Variants in CNRIP1 observed in about 807,000 individuals in gnomAD.
CNRIP1 encodes CB1 cannabinoid receptor-interacting protein 1.
A neutral mutation model predicts 15.2 loss-of-function variants in CNRIP1; 10 were observed. That is an observed-to-expected ratio of 0.66 (90% CI 0.41 to 1.12). The LOEUF (loss-of-function observed/expected upper bound fraction) is 1.12, where lower values mean the gene tolerates loss of function less well. Ranked by LOEUF, CNRIP1 falls within the 50% of genes most tolerant of loss-of-function variation. CNRIP1 has a pLI of 0.00. For synonymous variants in CNRIP1, 91 were observed against 83.2 expected, an observed-to-expected ratio of 1.09 and a Z score of -0.51; for missense variants, 211 against 214.7, an observed-to-expected ratio of 0.98 and a Z score of 0.11.
At chr2:68,292,493 C>A (rs558224449), downstream of CNRIP1, among the ~76,000 whole-genome samples, 3 of 152,230 alleles carry the variant, frequency 2.0e-5, no homozygotes, top group African/African-American at 4.8e-5. Context: ...ACAAACAATC[C>A]CCAACGAACT....
At chr2:68,310,154 C>A (rs369012022) in intron 2 of CNRIP1, among the ~76,000 whole-genome samples, 80 of 152,174 alleles carry the variant, frequency 5.3e-4, no homozygotes, top group African/African-American at 1.7e-3. Flanking sequence ...ATGGTGAAAC[C>A]CTGTCTCTAA....
chr2:68,298,055 C>A (rs1050310241), intron 2 of CNRIP1, among the ~76,000 whole-genome samples: 6 of 152,060 alleles, frequency 3.9e-5, no homozygotes, highest in Non-Finnish European at 7.4e-5. Context: ...ATACAGCCTG[C>A]AAGCCTAAGG....
Position 68,293,609 on chromosome 2 carries a change from A to G in CNRIP1, c.*253T>C. The G allele has an allele frequency of 8.7e-7, 1 of 1,150,068 alleles. No homozygotes were observed. Among genetic ancestry groups the G allele is most frequent in the Non-Finnish European group, 1.1e-6 (1 of 929,074 alleles). The allele number at this position is 1,150,068 out of a possible 1,614,324, so 71.2% of individuals were successfully genotyped here. A position where few individuals can be genotyped will look rare whatever the true frequency, so the allele number is the denominator to read the frequency against. On this transcript the variant is annotated 3_prime_UTR_variant, in exon 3 of 3. Transcript: ENST00000263655. ...TCACAAGTGGTCAAAAGTATGACCG[A>G]GAACAACTGGATGCAGGAACATCAG... is the stretch of plus-strand genomic sequence containing the variant.
chr2:68,289,663 T>C (rs895210731), downstream of CNRIP1, among the ~76,000 whole-genome samples: 2 of 152,150 alleles, frequency 1.3e-5, no homozygotes, highest in Non-Finnish European at 2.9e-5. Flanking sequence ...GTGTTTTTCA[T>C]AGAGACATGG....
At chr2:68,296,627 TTC>T (rs1290906310) in intron 2 of CNRIP1, among the ~76,000 whole-genome samples, 1 of 152,002 alleles carries the variant, frequency 6.6e-6, no homozygotes, top group African/African-American at 2.4e-5. Flanking sequence ...TTCTCCTATG[TTC>T]TTTTTTTAAT....
chr2:68,317,186 C>T lies in CNRIP1; in HGVS notation c.301G>A (p.Glu101Lys). Residue 101 changes from glutamate to lysine, a missense_variant, in exon 2 of 3, where the codon GAA becomes AAA. Glu to Lys is a moderately conservative substitution (Grantham distance 56, BLOSUM62 1). Coordinates refer to ENST00000263655, the MANE Select transcript of CNRIP1 (RefSeq NM_015463.3). ...ATGGTGATCTGGATGGGTTGCCGTT[C>T]TCCACTCTTCGTTGGGGTCACACCT... ...TEGVTPTKSGERQPIQITMPF... is the reference protein window; with the variant it reads ...TEGVTPTKSGKRQPIQITMPF... The T allele has an allele frequency of 3.1e-6, 5 of 1,614,220 alleles. No individual in the cohort carries two copies. In the African/African-American group the frequency reaches 6.7e-5, roughly 22 times the overall value.
chr2:68,296,291 C>T (rs1410595083), intron 2 of CNRIP1, among the ~76,000 whole-genome samples: 7 of 152,222 alleles, frequency 4.6e-5, no homozygotes, highest in African/African-American at 1.7e-4. Flanking sequence ...CAGCAGCTCA[C>T]ACCTGTAATT....
chr2:68,315,263 CAGTA>C (rs1672229227), intron 2 of CNRIP1, among the ~76,000 whole-genome samples: 1 of 151,938 alleles, frequency 6.6e-6, no homozygotes, highest in South Asian at 2.1e-4. Context: ...TTCAAATTAA[CAGTA>C]AGTAAAAATT....
chr2:68,309,625 A>G (rs1671999746), intron 2 of CNRIP1, among the ~76,000 whole-genome samples: 1 of 152,172 alleles, frequency 6.6e-6, no homozygotes, highest in South Asian at 2.1e-4. Context: ...ATCTTATCAC[A>G]TTACCAGAAA....
intron 2 of CNRIP1, among the ~76,000 whole-genome samples, chr2:68,306,737 C>A (rs1185183966): frequency 1.3e-5 from 2 of 150,474 alleles, no homozygotes; most frequent in Admixed American, 6.6e-5. Flanking sequence ...GCCGAGATTG[C>A]ACCATTGTAC....
rs61586261 is a variant in CNRIP1 at position 68,306,124 on chromosome 2, C to CAAAAAAAAAAAAAAAAAAAAAAA, written c.330+11010_330+11032dup. Among the ~76,000 whole-genome samples, 60 of 25,338 alleles carry CAAAAAAAAAAAAAAAAAAAAAAA rather than the reference C, an allele frequency of 2.4e-3. 11 individuals are homozygous for CAAAAAAAAAAAAAAAAAAAAAAA. Among genetic ancestry groups the CAAAAAAAAAAAAAAAAAAAAAAA allele is most frequent in the South Asian group, 2.9e-3 (1 of 340 alleles). The allele number at this position is 25,338 out of a possible 152,430, so 16.6% of individuals were successfully genotyped here. A position where few individuals can be genotyped will look rare whatever the true frequency, so the allele number is the denominator to read the frequency against. ...CTGGGCAGCAGAGACCCCACCTCTACAAAAAAAAAAAAAAAAAAAAAAAAA... is the reference window on the plus strand; with the variant it reads ...CTGGGCAGCAGAGACCCCACCTCTACAAAAAAAAAAAAAAAAAAAAAAAAAAAAAAAAAAAAAAAAAAAAAAAA... On this transcript the variant is annotated intron_variant, in intron 2 of 2. Coordinates refer to ENST00000263655, the MANE Select transcript of CNRIP1 (RefSeq NM_015463.3).
At position 68,319,743 on chromosome 2, in the gene CNRIP1, G is replaced by A. The variant is rs1261043546; in HGVS notation, c.-343C>T. 3.7e-6 allele frequency: 1 copy of A among 270,454 alleles called. No homozygotes were observed. The highest frequency in any genetic ancestry group is 7.1e-6 in the Non-Finnish European group (1 of 140,964). 16.8% of individuals were successfully genotyped at this position (270,454 alleles called of 1,614,324 possible). A position where few individuals can be genotyped will look rare whatever the true frequency, so the allele number is the denominator to read the frequency against. The stretch of plus-strand genomic sequence containing the variant: ...CCGCCGCGCAGATCCGCGCAGCTGG[G>A]GGCGAGGGAGTTAATCCTGTTTACG... On this transcript the variant is annotated 5_prime_UTR_variant, in exon 1 of 3. Coordinates refer to ENST00000263655, the MANE Select transcript of CNRIP1 (RefSeq NM_015463.3).
chr2:68,313,920 C>T (rs562635104), intron 2 of CNRIP1, among the ~76,000 whole-genome samples: 27 of 152,222 alleles, frequency 1.8e-4, no homozygotes, highest in African/African-American at 6.5e-4. Context: ...ACTCTATGCC[C>T]ACCATGTTGG....
At chr2:68,288,118 T>A (rs1004855666), downstream of CNRIP1, among the ~76,000 whole-genome samples, 2 of 152,108 alleles carry the variant, frequency 1.3e-5, no homozygotes, top group Admixed American at 1.3e-4. Context: ...CATCACCTTT[T>A]TGTTGAGTCA....
At chr2:68,302,666 C>T (rs1438961436) in intron 2 of CNRIP1, among the ~76,000 whole-genome samples, 1 of 152,080 alleles carries the variant, frequency 6.6e-6, no homozygotes, top group African/African-American at 2.4e-5. Context: ...ATGTCATTGA[C>T]AGTAGCTGCA....
rs565369207 is a variant in CNRIP1 at position 68,303,804 on chromosome 2, C to T, written c.331-9778G>A. ...ATTAAAAGGTTGGAGAGTCCAGGCG[C>T]GGTTGCTCACCCCTGTAATCCCAGG... On this transcript the variant is annotated intron_variant, in intron 2 of 2. Transcript: ENST00000263655. Among the ~76,000 whole-genome samples, 23 of 152,318 alleles carry T rather than the reference C, an allele frequency of 1.5e-4. No individual in the cohort carries two copies. In the South Asian group the frequency reaches 4.1e-3, roughly 27 times the overall value.
intron 2 of CNRIP1, among the ~76,000 whole-genome samples, chr2:68,297,108 G>A (rs143475954): frequency 3.9e-5 from 6 of 151,964 alleles, no homozygotes; most frequent in Non-Finnish European, 5.9e-5. Context: ...AAAATTTAAC[G>A]ATTACTTTAC....
intron 2 of CNRIP1, among the ~76,000 whole-genome samples, chr2:68,306,593 CA>C (rs1409365605): frequency 6.6e-6 from 1 of 152,006 alleles, no homozygotes; most frequent in African/African-American, 2.4e-5. Flanking sequence ...CCAGCCTGTC[CA>C]ATGTGGTGAA....
exon 3 of CNRIP1, chr2:68,284,451 G>A (rs1670978122): frequency 1.3e-6 from 2 of 1,539,406 alleles, no homozygotes; most frequent in Non-Finnish European, 1.8e-6. Context: ...TCATATGTAA[G>A]AGAGATCTCT....
Sources: allele counts gnomAD v4.1 joint callset (sites outside exome capture counted in the v4.1 genomes callset), GRCh38; gene constraint gnomAD v4.1.1; transcripts MANE v1.5; gene names NCBI Gene and HGNC (gene_info 2026-07-23, HGNC 2026-07-21).